Variants in NPIPB2 observed in about 807,000 individuals in gnomAD.
NPIPB2 encodes nuclear pore complex interacting protein family member B2.
Under a neutral mutation model 30.8 loss-of-function variants are expected in NPIPB2, and 27 were observed. The observed-to-expected ratio is 0.88, with a 90% confidence interval of 0.65 to 1.21. NPIPB2 has a LOEUF of 1.21. Among genes scored for constraint, NPIPB2 ranks in the 50% most tolerant of loss-of-function variants. The probability of loss-of-function intolerance (pLI) is 0.00; values close to 1 mark genes in which losing one functional copy is unlikely to be tolerated. For missense variants in NPIPB2, 440 were observed against 446.2 expected, an observed-to-expected ratio of 0.99 and a Z score of 0.13; for synonymous variants, 147 against 162.0, an observed-to-expected ratio of 0.91 and a Z score of 0.70.
intron 1 of NPIPB2, chr16:11,966,360 C>A: frequency 6.2e-7 from 1 of 1,601,072 alleles, no homozygotes; most frequent in Non-Finnish European, 8.5e-7. Flanking sequence ...GATGGTGAAT[C>A]TTTGAAATCT....
At chr16:11,935,311 G>A (rs1335743768) in intron 2 of NPIPB2, among the ~76,000 whole-genome samples, 1 of 152,268 alleles carries the variant, frequency 6.6e-6, no homozygotes, top group East Asian at 1.9e-4. Context: ...TCCTGAGGTA[G>A]TCATTGAAAT....
intron 1 of NPIPB2, among the ~76,000 whole-genome samples, chr16:11,939,496 G>T (rs1200494153): frequency 7.9e-6 from 1 of 126,828 alleles, no homozygotes; most frequent in Non-Finnish European, 1.7e-5. Flanking sequence ...GGAGGCAGAG[G>T]TTGCAGTGAG....
At chr16:11,933,868 A>T (rs1288234427) in exon 3 of NPIPB2, 2 of 1,570,028 alleles carry the variant, frequency 1.3e-6, no homozygotes, top group African/African-American at 2.7e-5. Context: ...TCTGCTGTAC[A>T]TCTGTGGATA....
intron 1 of NPIPB2, among the ~76,000 whole-genome samples, chr16:11,972,318 G>A (rs1340551029): frequency 6.6e-6 from 1 of 152,210 alleles, no homozygotes; most frequent in East Asian, 1.9e-4. Context: ...GCTCACGCCC[G>A]TAATTCCAGC....
chr16:11,961,920 C>G (rs2055155640), intron 1 of NPIPB2, among the ~76,000 whole-genome samples: 1 of 151,914 alleles, frequency 6.6e-6, no homozygotes. Flanking sequence ...CTGACAGTGG[C>G]TGGGCACTGT....
intron 1 of NPIPB2, chr16:11,967,686 A>G (rs970784088): frequency 1.2e-6 from 2 of 1,614,188 alleles, no homozygotes; most frequent in South Asian, 2.2e-5. Flanking sequence ...TGAAGACTGC[A>G]TCAAGAGCAA....
intron 1 of NPIPB2, chr16:11,965,316 T>C (rs1329925363): frequency 1.2e-6 from 2 of 1,614,152 alleles, no homozygotes; most frequent in Admixed American, 3.3e-5. Flanking sequence ...TTGTTTTCTT[T>C]TTGTGATCAT....
chr16:11,965,028 A>G (rs2055182333), intron 1 of NPIPB2: 1 of 417,000 alleles, frequency 2.4e-6, no homozygotes, highest in Non-Finnish European at 4.3e-6. Context: ...CCTGGCTGAG[A>G]AATTTCTTCT....
intron 1 of NPIPB2, among the ~76,000 whole-genome samples, chr16:11,976,368 C>T (rs984086228): frequency 1.3e-5 from 2 of 152,242 alleles, no homozygotes; most frequent in African/African-American, 2.4e-5. Context: ...TCAGAAGTCG[C>T]CTCCTTAGAG....
chr16:11,961,779 A>G lies in NPIPB2; in HGVS notation c.-584+14789T>C, dbSNP rs754629467. 3.3e-3 allele frequency among the ~76,000 whole-genome samples: 434 copies of G among 132,404 alleles called. 1 individual carries two copies. The highest frequency in any genetic ancestry group is 5.2e-3 in the Non-Finnish European group (317 of 60,502). 86.9% of individuals were successfully genotyped at this position (132,404 alleles called of 152,430 possible). A position where few individuals can be genotyped will look rare whatever the true frequency, so the allele number is the denominator to read the frequency against. On this transcript the variant is annotated intron_variant, in intron 1 of 5. Coordinates refer to the NPIPB2 transcript ENST00000538896. ...TGGGTGACAGAGTGAGACCCTGTTTAAAAAAAAAAAAAAAAAAGGTATGAG... is the reference window on the plus strand; with the variant it reads ...TGGGTGACAGAGTGAGACCCTGTTTGAAAAAAAAAAAAAAAAAGGTATGAG...
chr16:11,968,565 A>T (rs909344524), intron 1 of NPIPB2: 2 of 152,182 alleles, frequency 1.3e-5, no homozygotes, highest in African/African-American at 4.8e-5. Context: ...GGTCCTTAAA[A>T]ATTGTATACC....
intron 2 of NPIPB2, among the ~76,000 whole-genome samples, chr16:11,936,031 G>C (rs981839089): frequency 3.4e-5 from 5 of 148,994 alleles, no homozygotes; most frequent in Non-Finnish European, 7.4e-5. Flanking sequence ...CCTGGCTCAC[G>C]TGGTGGCTCA....
chr16:11,971,991 A>G (rs1235617562), intron 1 of NPIPB2, among the ~76,000 whole-genome samples: 2 of 151,698 alleles, frequency 1.3e-5, no homozygotes, highest in Admixed American at 6.6e-5. Flanking sequence ...CCAAAAATAC[A>G]AAAAATTAGC....
chr16:11,965,656 G>C (rs763837131), intron 1 of NPIPB2, among the ~76,000 whole-genome samples: 6 of 152,044 alleles, frequency 3.9e-5, no homozygotes, highest in Non-Finnish European at 8.8e-5. Flanking sequence ...AGCACTATTA[G>C]CAACATAGAT....
intron 1 of NPIPB2, among the ~76,000 whole-genome samples, chr16:11,947,892 T>C (rs2055027314): frequency 6.6e-6 from 1 of 150,724 alleles, no homozygotes; most frequent in African/African-American, 2.4e-5. Context: ...GTGAAGCATG[T>C]GGGCTGTGGG....
At chr16:11,934,431 T>C (rs2054837259) in intron 2 of NPIPB2, among the ~76,000 whole-genome samples, 1 of 150,816 alleles carries the variant, frequency 6.6e-6, no homozygotes, top group Non-Finnish European at 1.5e-5. Flanking sequence ...TGCATGCCTG[T>C]AATCCCAGCT....
intron 1 of NPIPB2, among the ~76,000 whole-genome samples, chr16:11,956,395 G>A (rs1366612701): frequency 6.6e-6 from 1 of 152,192 alleles, no homozygotes; most frequent in Non-Finnish European, 1.5e-5. Context: ...ATGATCTCTT[G>A]CCGGGAGCAG....
At chr16:11,960,267 A>T (rs941304817) in intron 1 of NPIPB2, among the ~76,000 whole-genome samples, 88 of 151,964 alleles carry the variant, frequency 5.8e-4, no homozygotes, top group African/African-American at 2.1e-3. Context: ...CTGAGCAAGT[A>T]TATCTGTCAG....
intron 1 of NPIPB2, among the ~76,000 whole-genome samples, chr16:11,970,114 C>T (rs1037889443): frequency 2.0e-5 from 3 of 152,070 alleles, no homozygotes; most frequent in Admixed American, 1.3e-4. Context: ...TTTGGGAGGC[C>T]GAGACAGGCA....
Sources: gnomAD v4.1 joint callset for allele counts (sites outside exome capture counted in the v4.1 genomes callset) on GRCh38, gnomAD v4.1.1 for gene constraint, MANE v1.5 for transcripts, NCBI Gene and HGNC (gene_info 2026-07-23, HGNC 2026-07-21) for gene names.